PAG1: variants seen among roughly 807,000 people sequenced by gnomAD.
PAG1 encodes the protein phosphoprotein membrane anchor with glycosphingolipid microdomains 1.
Under a neutral mutation model 31.7 loss-of-function variants are expected in PAG1, and 23 were observed. The observed-to-expected ratio is 0.73, with a 90% confidence interval of 0.52 to 1.03. The LOEUF is 1.03. Among genes scored for constraint, PAG1 ranks in the 50% least tolerant of loss-of-function variants. The pLI, the probability that PAG1 is intolerant of heterozygous loss-of-function variation, is 0.00. For missense variants in PAG1, 473 were observed against 540.7 expected (o/e 0.87, Z 1.24); for synonymous variants, 214 against 210.3 (o/e 1.02, Z -0.15).
At position 81,055,900 on chromosome 8, in the gene PAG1, C is replaced by A. The variant is rs186132759; in HGVS notation, c.-175+14212G>T. Reference sequence around the variant, plus strand: ...TCTAGATATACAATCATGTCATCTGCAAACAGGGACAATTTGACTTCCTCT... The same window carrying A: ...TCTAGATATACAATCATGTCATCTGAAAACAGGGACAATTTGACTTCCTCT... On this transcript the variant is annotated intron_variant, in intron 2 of 8. Coordinates refer to ENST00000220597, the MANE Select transcript of PAG1 (RefSeq NM_018440.4). Among the ~76,000 whole-genome samples the A allele has an allele frequency of 3.5e-3, 539 of 152,334 alleles. 3 individuals carry two copies. The highest frequency in any genetic ancestry group is 0.012 in the African/African-American group (508 of 41,560).
intron 2 of PAG1, among the ~76,000 whole-genome samples, chr8:81,057,934 A>T (rs1292040395): frequency 6.6e-6 from 1 of 152,130 alleles, no homozygotes; most frequent in African/African-American, 2.4e-5. Context: ...CAAAAGCAAA[A>T]ATAACTCCAG....
At chr8:81,034,239 G>T (rs139527112) in intron 2 of PAG1, among the ~76,000 whole-genome samples, 69 of 152,276 alleles carry the variant, frequency 4.5e-4, no homozygotes, top group Non-Finnish European at 9.6e-4. Context: ...ACAGTTCAAC[G>T]TACTGAGCAT....
At chr8:81,067,584 G>A (rs1586199771) in intron 2 of PAG1, 1 of 152,160 alleles carries the variant, frequency 6.6e-6, no homozygotes, top group Non-Finnish European at 1.5e-5. Flanking sequence ...AATTAACCTC[G>A]TCTTTGTGAG....
At chr8:80,979,431 G>A (rs1230333029) in intron 8 of PAG1, among the ~76,000 whole-genome samples, 1 of 152,130 alleles carries the variant, frequency 6.6e-6, no homozygotes, top group Non-Finnish European at 1.5e-5. Flanking sequence ...GATGGGTCTT[G>A]GCAATTGACT....
intron 2 of PAG1, among the ~76,000 whole-genome samples, chr8:81,059,265 G>A (rs1235985666): frequency 7.6e-6 from 1 of 132,136 alleles, no homozygotes; most frequent in East Asian, 2.6e-4. Flanking sequence ...CAGTACAGAG[G>A]CAAACATTCT....
In PAG1 at chr8:81,001,516, C is replaced by T. The variant is rs141995435; in HGVS notation, c.-80-8209G>A. On this transcript the variant is annotated intron_variant, in intron 3 of 8. Coordinates refer to ENST00000220597, the MANE Select transcript of PAG1 (RefSeq NM_018440.4). ...CCAGGGTAGGTTGGTCTCCATGGTG[C>T]TCCTGCTTGCATATAATCCATTACT... 1.7e-4 allele frequency among the ~76,000 whole-genome samples: 26 copies of T among 152,230 alleles called. 1 individual carries two copies. The East Asian group carries it at 5.0e-3, about 29-fold the overall frequency.
At position 81,112,041 on chromosome 8, in the gene PAG1, C is replaced by T. The variant is rs941299824; in HGVS notation, c.-684G>A. 1 of 152,158 alleles carries T rather than the reference C, an allele frequency of 6.6e-6. No homozygotes were observed. Among genetic ancestry groups the T allele is most frequent in the African/African-American group, 2.4e-5 (1 of 41,442 alleles). The allele number at this position is 152,158 out of a possible 1,614,324, so 9.4% of individuals were successfully genotyped here. On this transcript the variant is annotated 5_prime_UTR_variant, in exon 1 of 9. Transcript: ENST00000220597. ...CAAGCGAGCGGGAGGGTACCGCAGC[C>T]AGCACTCGCCGCCGCGCCGCGGAGA...
chr8:80,996,836 G>A (rs1030310445), intron 3 of PAG1, among the ~76,000 whole-genome samples: 1 of 152,194 alleles, frequency 6.6e-6, no homozygotes, highest in African/African-American at 2.4e-5. Context: ...CTTTCAGATG[G>A]CCAGCGAGGC....
chr8:81,040,005 G>C (rs1013833302), intron 2 of PAG1, among the ~76,000 whole-genome samples: 1 of 152,028 alleles, frequency 6.6e-6, no homozygotes, highest in Non-Finnish European at 1.5e-5. Context: ...AAAATTCCTA[G>C]GGAATTTTTT....
In PAG1 at chr8:81,055,248, C is replaced by A. The variant is rs7018320; in HGVS notation, c.-175+14864G>T. Among the ~76,000 whole-genome samples the A allele has an allele frequency of 1.1e-3, 166 of 151,616 alleles. 1 individual carries two copies. The highest frequency in any genetic ancestry group is 1.6e-3 in the Non-Finnish European group (107 of 67,860). The stretch of plus-strand genomic sequence containing the variant: ...CTGGCTAATTTTTAATTTTTTTTTA[C>A]AGAGACATGGTCTCACTATGTTGCC... On this transcript the variant is annotated intron_variant, in intron 2 of 8. Transcript: ENST00000220597.
At chr8:81,012,226 T>C (rs910853421) in intron 3 of PAG1, among the ~76,000 whole-genome samples, 2 of 152,184 alleles carry the variant, frequency 1.3e-5, no homozygotes, top group Admixed American at 1.3e-4. Flanking sequence ...AGCTGCAATA[T>C]CTTCAGGACA....
chr8:81,045,698 A>G (rs2130855111), intron 2 of PAG1, among the ~76,000 whole-genome samples: 1 of 152,362 alleles, frequency 6.6e-6, no homozygotes, highest in East Asian at 1.9e-4. Flanking sequence ...GAAAGATACT[A>G]TATCTCAATA....
At chr8:81,100,038 T>C (rs1287550124) in intron 1 of PAG1, among the ~76,000 whole-genome samples, 1 of 152,228 alleles carries the variant, frequency 6.6e-6, no homozygotes, top group African/African-American at 2.4e-5. Context: ...AAATTAGAAA[T>C]TCTTTACCCA....
At chr8:80,993,399 A>G in intron 3 of PAG1, 92 bp from the exon 4 acceptor site, 1 of 617,210 alleles carries the variant, frequency 1.6e-6, no homozygotes, top group Admixed American at 3.1e-5. Flanking sequence ...ACCTTTGCGC[A>G]AAGTCAGGGA....
intron 1 of PAG1, among the ~76,000 whole-genome samples, chr8:81,100,246 T>C (rs749118801): frequency 3.3e-5 from 5 of 152,244 alleles, no homozygotes; most frequent in Non-Finnish European, 7.3e-5. Flanking sequence ...GCAAGAACCA[T>C]GTCATAGTCT....
intron 3 of PAG1, among the ~76,000 whole-genome samples, chr8:81,025,904 C>A (rs907813281): frequency 5.3e-5 from 8 of 152,188 alleles, no homozygotes; most frequent in Admixed American, 2.6e-4. Context: ...TCTGTGGGGG[C>A]AGTGTGTGTG....
chr8:81,109,360 CACAG>C (rs1202972167), intron 1 of PAG1, among the ~76,000 whole-genome samples: 1 of 152,204 alleles, frequency 6.6e-6, no homozygotes, highest in Non-Finnish European at 1.5e-5. Flanking sequence ...ACAGTTTCAA[CACAG>C]ACAGACGTGG....
intron 2 of PAG1, among the ~76,000 whole-genome samples, chr8:81,065,818 T>C (rs1808995628): frequency 6.6e-6 from 1 of 150,922 alleles, no homozygotes; most frequent in Non-Finnish European, 1.5e-5. Flanking sequence ...CATGTGTGTG[T>C]ATGTGTGTAT....
chr8:81,060,436 A>G (rs1369762877), intron 2 of PAG1, among the ~76,000 whole-genome samples: 3 of 152,222 alleles, frequency 2.0e-5, no homozygotes, highest in Non-Finnish European at 4.4e-5. Flanking sequence ...CAGCAAGTTG[A>G]TGGCAAAATT....
Sources: gnomAD v4.1 joint callset for allele counts (sites outside exome capture counted in the v4.1 genomes callset) on GRCh38, gnomAD v4.1.1 for gene constraint, MANE v1.5 for transcripts, NCBI Gene and HGNC (gene_info 2026-07-23, HGNC 2026-07-21) for gene names.